The following NCAPG2 variants were observed in gnomAD, a reference collection of about 807,000 sequenced individuals.
NCAPG2 encodes non-SMC condensin II complex subunit G2.
A neutral mutation model predicts 141.1 loss-of-function variants in NCAPG2; 53 were observed. The observed-to-expected ratio is 0.38, with a 90% CI of 0.30 to 0.47. NCAPG2 has a LOEUF of 0.47. Among genes scored for constraint, NCAPG2 ranks in the 20% least tolerant of loss-of-function variants. NCAPG2 has a pLI of 0.99. For missense variants in NCAPG2, 1,087 were observed against 1,389.0 expected (o/e 0.78, Z 3.46); for synonymous variants, 499 against 490.7 (o/e 1.02, Z -0.22).
Position 158,701,911 on chromosome 7 carries a change from CTG to C in NCAPG2, c.-14_-13del. ...TCACGTTTTTCCATGACAGATGGCA[CTG>C]TTCAAATGGCATTTATTTTGTAACC... On this transcript the variant is annotated 5_prime_UTR_variant, in exon 2 of 28. Coordinates refer to ENST00000356309, the MANE Select transcript of NCAPG2 (RefSeq NM_017760.7). The C allele has an allele frequency of 6.2e-7, 1 of 1,607,350 alleles. No homozygotes were observed.
intron 13 of NCAPG2, chr7:158,668,243 T>TAGGCCCTC: frequency 3.1e-5 from 1 of 32,494 alleles, no homozygotes; most frequent in Non-Finnish European, 3.6e-5. Flanking sequence ...CCCTCTGCCC[T>TAGGCCCTC]CCTTACCCAC....
intron 27 of NCAPG2, chr7:158,641,574 AG>A: frequency 1.1e-5 from 7 of 617,990 alleles, no homozygotes; most frequent in South Asian, 3.7e-5. Context: ...AAAAAAAAAA[AG>A]GAAATGAATA....
At chr7:158,645,746 T>G (rs1156834683) in intron 25 of NCAPG2, 127 bp from the exon 26 acceptor site, 4 of 742,580 alleles carry the variant, frequency 5.4e-6, no homozygotes, top group Non-Finnish European at 9.0e-6. Context: ...GGAAGGTGAC[T>G]GAACTCACCC....
intron 8 of NCAPG2, among the ~76,000 whole-genome samples, chr7:158,684,308 T>C (rs1427823512): frequency 6.6e-6 from 1 of 152,200 alleles, no homozygotes; most frequent in African/African-American, 2.4e-5. Flanking sequence ...GGACAACTGG[T>C]CCAGTTTCCT....
chr7:158,684,626 T>TA (rs1326079691), intron 8 of NCAPG2, among the ~76,000 whole-genome samples: 3 of 152,210 alleles, frequency 2.0e-5, no homozygotes, highest in Admixed American at 6.5e-5. Flanking sequence ...CTGAAAAACT[T>TA]AAAGAGAGGG....
At chr7:158,655,672 AGCCC>A (rs1831865735) in intron 19 of NCAPG2, among the ~76,000 whole-genome samples, 1 of 2,652 alleles carries the variant, frequency 3.8e-4, no homozygotes, top group African/African-American at 1.1e-3. Context: ...CACCGTCCAC[AGCCC>A]TTGCCCTGCA....
rs1307978530 is a variant in NCAPG2, at chr7:158,693,425, A to G, written c.151T>C (p.Trp51Arg). 2 of 1,614,076 alleles carry G rather than the reference A, an allele frequency of 1.2e-6. No individual in the cohort carries two copies. Among genetic ancestry groups the G allele is most frequent in the Admixed American group, 3.3e-5 (2 of 60,024 alleles). The change falls in exon 3 of 28, where the codon TGG (tryptophan) becomes CGG (arginine). Residue 51 changes from tryptophan to arginine, a missense_variant. Physicochemically the swap from Trp to Arg is moderately radical, Grantham distance 101 (BLOSUM62 -3). Coordinates refer to ENST00000356309, the MANE Select transcript of NCAPG2 (RefSeq NM_017760.7). Reference protein sequence around the residue: ...ELSRKQKEELWQRLKNLLTDV... With the variant: ...ELSRKQKEELRQRLKNLLTDV... ...GTCAATAAATTCTTCAGCCTTTGCC[A>G]TAATTCTTCTTTCTGTTTCCTTGAT...
intron 27 of NCAPG2, among the ~76,000 whole-genome samples, chr7:158,637,956 C>G (rs890353473): frequency 6.6e-6 from 1 of 152,064 alleles, no homozygotes; most frequent in African/African-American, 2.4e-5. Context: ...CCAGCCTGGC[C>G]AACATGGTGA....
chr7:158,680,087 TATA>T lies in NCAPG2; in HGVS notation c.1021-5_1021-3del, dbSNP rs764905639. 6.2e-7 allele frequency: 1 copy of T among 1,613,170 alleles called. No individual in the cohort carries two copies. The highest frequency in any genetic ancestry group is 1.1e-5 in the South Asian group (1 of 90,906). The stretch of plus-strand genomic sequence containing the variant: ...TGATCGAACTTCAGAGTTTCTGGCC[TATA>T]ATAATAAAAGAAGAGTATCTCAGAA... On this transcript the variant is annotated splice_polypyrimidine_tract_variant and splice_region_variant and intron_variant, in intron 10 of 27. Coordinates refer to ENST00000356309, the MANE Select transcript of NCAPG2 (RefSeq NM_017760.7).
intron 27 of NCAPG2, 131 bp from the exon 28 acceptor site, chr7:158,631,848 A>G (rs995916843): frequency 4.1e-6 from 3 of 725,216 alleles, no homozygotes; most frequent in Non-Finnish European, 7.0e-6. Flanking sequence ...AATAATCTAT[A>G]GATGTTTCAT....
intron 13 of NCAPG2, among the ~76,000 whole-genome samples, chr7:158,668,896 T>C (rs891044825): frequency 2.0e-5 from 3 of 152,162 alleles, no homozygotes; most frequent in African/African-American, 7.2e-5. Context: ...CCATTAGCCA[T>C]TATTCCTGAT....
In NCAPG2 at chr7:158,652,480, A is replaced by C; in HGVS notation, c.2747T>G (p.Val916Gly). 6.3e-7 allele frequency: 1 copy of C among 1,584,810 alleles called. No homozygotes were observed. Among genetic ancestry groups the C allele is most frequent in the East Asian group, 2.2e-5 (1 of 44,682 alleles). The change falls in exon 23 of 28, where the codon GTG becomes GGG. Residue 916 changes from valine (V) to glycine (G), a missense_variant and splice_region_variant. Coordinates refer to ENST00000356309, the MANE Select transcript of NCAPG2 (RefSeq NM_017760.7). Reference sequence around the variant, plus strand: ...TAATGAAACATAAAAAAATCCCTTCACTAGAAAGAAAATTGGAATATATCA... The same window carrying C: ...TAATGAAACATAAAAAAATCCCTTCCCTAGAAAGAAAATTGGAATATATCA... ...LQRSLGIMQT[V>G]KGFFYVSLLL...
chr7:158,667,182 A>T, intron 13 of NCAPG2: 1 of 985,396 alleles, frequency 1.0e-6, no homozygotes, highest in Non-Finnish European at 1.2e-6. Flanking sequence ...TTGCACTTGC[A>T]AAGATAAGGA....
At chr7:158,686,085 G>T in intron 8 of NCAPG2, 87 bp downstream of exon 8, 1 of 782,910 alleles carries the variant, frequency 1.3e-6, no homozygotes, top group Non-Finnish European at 2.0e-6. Flanking sequence ...GCATAAACAT[G>T]GATCTTAAAT....
intron 8 of NCAPG2, among the ~76,000 whole-genome samples, chr7:158,685,544 T>C (rs1010961100): frequency 6.6e-6 from 1 of 152,192 alleles, no homozygotes; most frequent in African/African-American, 2.4e-5. Flanking sequence ...ATATAACCTA[T>C]GCACTCCTGC....
chr7:158,637,476 CA>C (rs1030296111), intron 27 of NCAPG2, among the ~76,000 whole-genome samples: 13 of 1,944 alleles, frequency 6.7e-3, no homozygotes, highest in Non-Finnish European at 0.014. Context: ...ACTCTGACAG[CA>C]CAAGCAGCAC....
chr7:158,664,718 C>A lies in NCAPG2; in HGVS notation c.1512G>T (p.Leu504=). 1 of 1,614,090 alleles carries A rather than the reference C, an allele frequency of 6.2e-7. No homozygotes were observed. Among genetic ancestry groups the A allele is most frequent in the Non-Finnish European group, 8.5e-7 (1 of 1,180,012 alleles). ...FWKICPMEHI[L]VRLETDSRPV... is the part of the protein sequence containing the mutation. ...GTCGAGAATCAGTTTCCAGACGAAC[C>A]AGAATGTGCTCCATGGGACATATTT... Residue 504 remains leucine, a synonymous_variant, in exon 14 of 28, where the codon CTG becomes CTT. Coordinates refer to ENST00000356309, the MANE Select transcript of NCAPG2 (RefSeq NM_017760.7).
intron 23 of NCAPG2, among the ~76,000 whole-genome samples, chr7:158,651,454 T>C (rs1407648861): frequency 6.6e-6 from 1 of 152,212 alleles, no homozygotes; most frequent in African/African-American, 2.4e-5. Flanking sequence ...AGAAAAAGTA[T>C]GGCCAACAAC....
intron 27 of NCAPG2, among the ~76,000 whole-genome samples, chr7:158,635,708 T>C (rs1361211530): frequency 1.2e-5 from 1 of 86,604 alleles, no homozygotes; most frequent in African/African-American, 4.7e-5. Flanking sequence ...TGCCGATTTT[T>C]ATTTAGCACC....
Sources: gnomAD v4.1 joint callset for allele counts (sites outside exome capture counted in the v4.1 genomes callset) on GRCh38, gnomAD v4.1.1 for gene constraint, MANE v1.5 for transcripts, NCBI Gene and HGNC (gene_info 2026-07-23, HGNC 2026-07-21) for gene names.